ELMO2: variants seen among roughly 807,000 people sequenced by gnomAD.
ELMO2 encodes the protein engulfment and cell motility protein 2.
A neutral mutation model predicts 96.2 loss-of-function variants in ELMO2; 37 were observed. That is an observed-to-expected ratio of 0.38 (90% CI 0.30 to 0.51). ELMO2 has a LOEUF of 0.51. Ranked by LOEUF, ELMO2 falls within the 20% of genes least tolerant of loss-of-function variation. The pLI is 0.88. For synonymous variants in ELMO2, 315 were observed against 329.4 expected (o/e 0.96, Z 0.47); for missense variants, 561 against 912.6 (o/e 0.61, Z 4.96).
chr20:46,393,335 A>G (rs2060187207), intron 5 of ELMO2, among the ~76,000 whole-genome samples, 192 bp from the exon 6 acceptor site: 4 of 152,180 alleles, frequency 2.6e-5, no homozygotes, highest in Admixed American at 2.0e-4. Context: ...CTGGGCACTC[A>G]GGAAGTAAAA....
At position 46,375,152 on chromosome 20, in the gene ELMO2, G is replaced by A; in HGVS notation, c.1065+84C>T. 6.6e-7 allele frequency: 1 copy of A among 1,525,738 alleles called. No homozygotes were observed. Among genetic ancestry groups the A allele is most frequent in the South Asian group, 1.2e-5 (1 of 81,252 alleles). 94.5% of individuals were successfully genotyped at this position (1,525,738 alleles called of 1,614,324 possible). A position where few individuals can be genotyped will look rare whatever the true frequency, so the allele number is the denominator to read the frequency against. On this transcript the variant is annotated intron_variant, in intron 13 of 21. Coordinates refer to ENST00000290246, the MANE Select transcript of ELMO2 (RefSeq NM_133171.5). The surrounding 1 kb of genome is among the most constrained non-coding windows in gnomAD (Gnocchi z 4.6). ...CTATTCCAGGGCCACCATGGGGTTG[G>A]TTGTCAGAGCTCTGTCTGGGTGGGA...
chr20:46,373,501 G>A lies in ELMO2; in HGVS notation c.1314C>T (p.Phe438=), dbSNP rs1327579109. The change falls in exon 16 of 22, where the codon TTC becomes TTT. Residue 438 remains phenylalanine, a synonymous_variant. Transcript: ENST00000290246. ...NEGRNDYHPM[F]FTHDRAFEEL... is the part of the protein sequence containing the mutation. The stretch of plus-strand genomic sequence containing the variant: ...CTTCAAAGGCTCGGTCATGGGTAAA[G>A]AACATCGGGTGGTAGTCATTGCGTC... 2 of 1,614,102 alleles carry A rather than the reference G, an allele frequency of 1.2e-6. No individual in the cohort carries two copies. The highest frequency in any genetic ancestry group is 3.3e-5 in the Admixed American group (2 of 60,012).
chr20:46,379,874 C>T (rs1473469571), intron 11 of ELMO2: 1 of 164,580 alleles, frequency 6.1e-6, no homozygotes. Context: ...AATACACTTG[C>T]TTACTTAGTT....
At chr20:46,376,331 C>T (rs187897534) in intron 11 of ELMO2, among the ~76,000 whole-genome samples, 10 of 151,914 alleles carry the variant, frequency 6.6e-5, no homozygotes, top group African/African-American at 2.4e-4. Flanking sequence ...CCTCCCACGG[C>T]CCTCTCCTTC....
chr20:46,375,484 G>T lies in ELMO2; in HGVS notation c.931-114C>A, dbSNP rs2059840733. On this transcript the variant is annotated intron_variant, in intron 12 of 21. Coordinates refer to ENST00000290246, the MANE Select transcript of ELMO2 (RefSeq NM_133171.5). This position sits in a 1 kb window ranked among gnomAD's most constrained non-coding sequence, Gnocchi z 4.6. ...ACTTTGGCCCCAATCAATCCCTTAG[G>T]AGGCATCACCTCTACCACAGCAGGA... The T allele has an allele frequency of 6.7e-7, 1 of 1,502,258 alleles. No individual in the cohort carries two copies. Among genetic ancestry groups the T allele is most frequent in the Admixed American group, 2.0e-5 (1 of 50,300 alleles). The allele number at this position is 1,502,258 out of a possible 1,614,324, so 93.1% of individuals were successfully genotyped here.
At chr20:46,372,941 C>T (rs967626701) in intron 16 of ELMO2, 4 of 153,118 alleles carry the variant, frequency 2.6e-5, no homozygotes, top group African/African-American at 9.6e-5. Context: ...TTTTGAGGGC[C>T]TGGCACAACA....
intron 6 of ELMO2, among the ~76,000 whole-genome samples, chr20:46,392,207 T>G (rs1025064396): frequency 6.6e-5 from 10 of 152,214 alleles, no homozygotes; most frequent in African/African-American, 2.4e-4. Flanking sequence ...CCTCAGTCAC[T>G]TCACCTTCTT....
chr20:46,381,702 A>C (rs2059959450), intron 10 of ELMO2, among the ~76,000 whole-genome samples: 1 of 152,190 alleles, frequency 6.6e-6, no homozygotes, highest in Non-Finnish European at 1.5e-5. Flanking sequence ...AGGGGGAGGC[A>C]CTTATCCCCT....
At chr20:46,393,919 A>G in intron 4 of ELMO2, 130 bp downstream of exon 4, 1 of 1,245,552 alleles carries the variant, frequency 8.0e-7, no homozygotes, top group Non-Finnish European at 1.1e-6. Context: ...TTCCCAAGAC[A>G]ATGATTCCCA....
At chr20:46,391,117 A>C (rs1172309459) in intron 6 of ELMO2, among the ~76,000 whole-genome samples, 9 of 152,222 alleles carry the variant, frequency 5.9e-5, no homozygotes, top group Non-Finnish European at 1.3e-4. Context: ...CTTCCATAAA[A>C]GTGAGTAACT....
chr20:46,393,278 C>T, intron 5 of ELMO2, 135 bp from the exon 6 acceptor site: 1 of 958,264 alleles, frequency 1.0e-6, no homozygotes, highest in Non-Finnish European at 1.6e-6. Context: ...GCCCTCTTCT[C>T]CTGCTTATTC....
chr20:46,369,194 A>C (rs1056521322), intron 20 of ELMO2: 2 of 478,424 alleles, frequency 4.2e-6, no homozygotes, highest in African/African-American at 3.9e-5. Context: ...ATGTTGTGAT[A>C]TTTTTAAGAT....
In ELMO2 at chr20:46,375,164, C is replaced by T. The variant is rs2059832171; in HGVS notation, c.1065+72G>A. The T allele has an allele frequency of 6.5e-7, 1 of 1,548,092 alleles. No homozygotes were observed. The highest frequency in any genetic ancestry group is 1.4e-5 in the African/African-American group (1 of 73,378). On this transcript the variant is annotated intron_variant, in intron 13 of 21. Transcript: ENST00000290246. The surrounding 1 kb of genome is among the most constrained non-coding windows in gnomAD (Gnocchi z 4.6). ...CACCATGGGGTTGGTTGTCAGAGCTCTGTCTGGGTGGGACCATTGACTTCC... is the reference window on the plus strand; with the variant it reads ...CACCATGGGGTTGGTTGTCAGAGCTTTGTCTGGGTGGGACCATTGACTTCC...
intron 9 of ELMO2, among the ~76,000 whole-genome samples, chr20:46,385,403 A>G (rs1416957679): frequency 6.6e-6 from 1 of 152,240 alleles, no homozygotes; most frequent in Non-Finnish European, 1.5e-5. Flanking sequence ...AAAGGAAAAA[A>G]GCCCCTGAAT....
Position 46,371,356 on chromosome 20 carries a change from C to T in ELMO2, c.1797G>A (p.Glu599=). The T allele has an allele frequency of 6.2e-7, 1 of 1,614,196 alleles. No individual in the cohort carries two copies. The highest frequency in any genetic ancestry group is 8.5e-7 in the Non-Finnish European group (1 of 1,180,014). ...QGEVTFESLQ[E]KIPVADIKAI... ...TCAACAGAGAAATGAACCTACTTTT[C>T]TCCTGCAGGGATTCAAATGTCACCT... The change falls in exon 19 of 22, where the codon GAG becomes GAA. Residue 599 remains glutamate (E), a synonymous_variant. Coordinates refer to ENST00000290246, the MANE Select transcript of ELMO2 (RefSeq NM_133171.5). The surrounding 1 kb of genome is among the most constrained non-coding windows in gnomAD (Gnocchi z 5.9).
At chr20:46,385,722 CAAT>C (rs764097021) in intron 9 of ELMO2, among the ~76,000 whole-genome samples, 3 of 152,190 alleles carry the variant, frequency 2.0e-5, no homozygotes, top group East Asian at 3.8e-4. Context: ...GGGGATACAA[CAAT>C]GATTGGTCTC....
intron 2 of ELMO2, among the ~76,000 whole-genome samples, chr20:46,395,707 G>C (rs1224598066): frequency 6.6e-6 from 1 of 152,202 alleles, no homozygotes; most frequent in Non-Finnish European, 1.5e-5. Flanking sequence ...GCCTCAGAAA[G>C]AGGGATGCTT....
chr20:46,373,673 G>A, intron 15 of ELMO2, 138 bp from the exon 16 acceptor site: 1 of 1,085,882 alleles, frequency 9.2e-7, no homozygotes. Context: ...GCGTGGGATG[G>A]GCGTTTCTCA....
intron 11 of ELMO2, 99 bp downstream of exon 11, chr20:46,380,154 T>C: frequency 9.7e-7 from 1 of 1,028,384 alleles, no homozygotes. Context: ...CCTCTGTGTG[T>C]CCTCCTCACT....
Sources: gnomAD v4.1 joint callset for allele counts (sites outside exome capture counted in the v4.1 genomes callset) on GRCh38, gnomAD v4.1.1 for gene constraint, Gnocchi (gnomAD v3.1) non-coding constraint, MANE v1.5 for transcripts, NCBI Gene and HGNC (gene_info 2026-07-23, HGNC 2026-07-21) for gene names.